MRTFB: variants seen among roughly 807,000 people sequenced by gnomAD.
MRTFB encodes the protein myocardin-related transcription factor B.
MRTFB carries 29 observed loss-of-function variants against 104.2 expected under a neutral mutation model. That is an observed-to-expected ratio of 0.28 (90% CI 0.21 to 0.38). The LOEUF is 0.38. Ranked by LOEUF, MRTFB falls within the 10% of genes least tolerant of loss-of-function variation. The pLI, the probability that MRTFB is intolerant of heterozygous loss-of-function variation, is 1.00. For synonymous variants in MRTFB, 535 were observed against 519.5 expected (o/e 1.03, Z -0.41); for missense variants, 1,270 against 1,341.6 (o/e 0.95, Z 0.83).
At chr16:13,995,064 A>G in the MRTFB span, among the ~76,000 whole-genome samples, 4 of 152,144 alleles carry the variant, frequency 2.6e-5, no homozygotes, top group Admixed American at 6.5e-5. Context: ...TGATTGCAGA[A>G]CAGATCTGTA....
the MRTFB span, among the ~76,000 whole-genome samples, chr16:13,996,270 TCAA>T: frequency 0.019 from 2,848 of 149,476 alleles, 95 homozygotes; most frequent in African/African-American, 0.067. Flanking sequence ...ATACTCTGTC[TCAA>T]CAACAACAAC....
At chr16:14,191,572 C>G (rs911464794) in intron 3 of MRTFB, among the ~76,000 whole-genome samples, 1 of 152,044 alleles carries the variant, frequency 6.6e-6, no homozygotes, top group Non-Finnish European at 1.5e-5. Flanking sequence ...CCTGTTTGTC[C>G]CCCTCATCCC....
chr16:14,130,536 GT>G (rs771098981), intron 2 of MRTFB, among the ~76,000 whole-genome samples: 12 of 152,166 alleles, frequency 7.9e-5, no homozygotes, highest in Non-Finnish European at 1.6e-4. Context: ...TAATATGTGA[GT>G]TATAGCCCAG....
chr16:14,210,392 TTCA>T (rs754398413), intron 4 of MRTFB, 84 bp downstream of exon 4: 33 of 1,011,370 alleles, frequency 3.3e-5, no homozygotes, highest in Non-Finnish European at 2.2e-5. Flanking sequence ...TTGCTCTGCT[TTCA>T]GTTGTATCCA....
the MRTFB span, among the ~76,000 whole-genome samples, chr16:14,060,293 C>A: frequency 1.3e-5 from 2 of 152,206 alleles, no homozygotes; most frequent in Non-Finnish European, 2.9e-5. Context: ...AGGTGTGAGC[C>A]ACTATGCCCG....
intron 2 of MRTFB, among the ~76,000 whole-genome samples, chr16:14,124,329 C>G (rs906120656): frequency 6.6e-6 from 1 of 152,160 alleles, no homozygotes; most frequent in Non-Finnish European, 1.5e-5. Context: ...GAGAGGGCAT[C>G]CTTGTCTTGT....
intron 2 of MRTFB, among the ~76,000 whole-genome samples, chr16:14,084,151 A>G (rs984912702): frequency 5.9e-5 from 9 of 152,170 alleles, no homozygotes; most frequent in African/African-American, 1.7e-4. Context: ...TTTTTAAACT[A>G]TAGGTCAACT....
rs763845823 is a variant in MRTFB, at chr16:14,186,679, G to A, written c.155-23564G>A. The A allele has an allele frequency of 7.1e-5, 94 of 1,319,488 alleles. No homozygotes were observed. The Middle Eastern group carries it at 2.3e-3, about 32-fold the overall frequency. 81.7% of individuals were successfully genotyped at this position (1,319,488 alleles called of 1,614,324 possible). A position where few individuals can be genotyped will look rare whatever the true frequency, so the allele number is the denominator to read the frequency against. ...TCGTGCCTGTGTGGCTCTGCCTCCC[G>A]ATGTGGGAGAGAGTTAAGGGCTTCC... On this transcript the variant is annotated intron_variant, in intron 3 of 16. Transcript: ENST00000571589.
Position 14,174,732 on chromosome 16 carries a change from AT to A in MRTFB, c.154+33975del, listed in dbSNP as rs917565968. On this transcript the variant is annotated intron_variant, in intron 3 of 16. Coordinates refer to ENST00000571589, the MANE Select transcript of MRTFB (RefSeq NM_001308142.2). Reference sequence around the variant, plus strand: ...CCTTTGTCACATACAATTTTTTTTAATTTGAATTTTACATTTTCTGTTTTCG... The same window carrying A: ...CCTTTGTCACATACAATTTTTTTTAATTGAATTTTACATTTTCTGTTTTCG... 1.2e-4 allele frequency among the ~76,000 whole-genome samples: 19 copies of A among 152,206 alleles called. No individual in the cohort carries two copies. The Middle Eastern group carries it at 0.014, about 109-fold the overall frequency.
chr16:14,158,715 GTTTTA>G (rs2038920114), intron 3 of MRTFB, among the ~76,000 whole-genome samples: 1 of 152,244 alleles, frequency 6.6e-6, no homozygotes, highest in African/African-American at 2.4e-5. Flanking sequence ...TGAGGGAATA[GTTTTA>G]TTTTAAAAGT....
At chr16:14,047,580 G>A in the MRTFB span, among the ~76,000 whole-genome samples, 21 of 152,204 alleles carry the variant, frequency 1.4e-4, no homozygotes, top group African/African-American at 4.8e-4. Flanking sequence ...TCATGTGGCT[G>A]GGGAGGCCTC....
At position 14,221,499 on chromosome 16, in the gene MRTFB, G is replaced by A. The variant is rs532763069; in HGVS notation, c.693+2501G>A. On this transcript the variant is annotated intron_variant, in intron 8 of 16. Coordinates refer to ENST00000571589, the MANE Select transcript of MRTFB (RefSeq NM_001308142.2). ...TGATTTAATGCATGACAGATCCTTG[G>A]AGACTCTCTCTGCAGTCTGTTTTTT... Among the ~76,000 whole-genome samples the A allele has an allele frequency of 2.0e-5, 3 of 152,220 alleles. No homozygotes were observed. In the East Asian group the frequency reaches 5.8e-4, roughly 29 times the overall value.
chr16:14,115,560 A>G (rs28595614), intron 2 of MRTFB, among the ~76,000 whole-genome samples: 22,600 of 152,208 alleles, frequency 0.15, 2,495 homozygotes, highest in East Asian at 0.29. Flanking sequence ...CGGCCCAGCT[A>G]CATTTTAAAT....
chr16:14,166,266 A>G (rs551003988), intron 3 of MRTFB, among the ~76,000 whole-genome samples: 1 of 146,388 alleles, frequency 6.8e-6, no homozygotes, highest in East Asian at 2.0e-4. Flanking sequence ...CAATTCAACC[A>G]TAAAGAGAAG....
chr16:14,112,552 G>C (rs1156758441), intron 2 of MRTFB, among the ~76,000 whole-genome samples: 1 of 152,248 alleles, frequency 6.6e-6, no homozygotes, highest in Non-Finnish European at 1.5e-5. Flanking sequence ...GTGTCTTCCA[G>C]GTGAGAGCCA....
chr16:14,006,324 C>T, the MRTFB span, among the ~76,000 whole-genome samples: 1 of 151,110 alleles, frequency 6.6e-6, no homozygotes, highest in Non-Finnish European at 1.5e-5. Context: ...GCCTGGGCAA[C>T]AAGAGCAAAA....
chr16:14,059,677 G>T, the MRTFB span, among the ~76,000 whole-genome samples: 1 of 152,188 alleles, frequency 6.6e-6, no homozygotes, highest in Non-Finnish European at 1.5e-5. Context: ...TAGAGGCAAG[G>T]TTGTGAGAAA....
At chr16:14,220,517 G>A (rs1278202710) in intron 8 of MRTFB, among the ~76,000 whole-genome samples, 1 of 152,090 alleles carries the variant, frequency 6.6e-6, no homozygotes, top group African/African-American at 2.4e-5. Context: ...CTCTTAAAAC[G>A]TGGTCTCCAG....
intron 6 of MRTFB, chr16:14,214,730 C>T (rs894618570): frequency 3.3e-5 from 5 of 152,100 alleles, no homozygotes; most frequent in Admixed American, 6.5e-5. Flanking sequence ...GGGAGTAAAC[C>T]GACTGCTATG....
Sources: allele counts gnomAD v4.1 joint callset (sites outside exome capture counted in the v4.1 genomes callset), GRCh38; gene constraint gnomAD v4.1.1; transcripts MANE v1.5; gene names NCBI Gene and HGNC (gene_info 2026-07-23, HGNC 2026-07-21).